MCPH1: variants seen among roughly 807,000 people sequenced by gnomAD.
MCPH1 encodes the protein microcephalin.
Under a neutral mutation model 84.5 loss-of-function variants are expected in MCPH1, and 104 were observed. The ratio of observed to expected loss-of-function variants is 1.23; its 90% CI spans 1.05 to 1.45. The LOEUF (loss-of-function observed/expected upper bound fraction) is 1.45, where lower values mean the gene tolerates loss of function less well. Ranked by LOEUF, MCPH1 falls within the 40% of genes most tolerant of loss-of-function variation. The pLI is 0.00. For missense variants in MCPH1, 1,498 were observed against 1,005.7 expected, an observed-to-expected ratio of 1.49 and a Z score of -6.62; for synonymous variants, 514 against 366.8, an observed-to-expected ratio of 1.40 and a Z score of -4.58.
chr8:6,638,847 G>T (rs1797740027), intron 13 of MCPH1, among the ~76,000 whole-genome samples: 1 of 152,162 alleles, frequency 6.6e-6, no homozygotes, highest in Non-Finnish European at 1.5e-5. Flanking sequence ...GGGGCTGTGA[G>T]GGGCTCCCTG....
intron 12 of MCPH1, among the ~76,000 whole-genome samples, chr8:6,607,123 G>A (rs528725386): frequency 1.2e-4 from 18 of 152,292 alleles, no homozygotes; most frequent in East Asian, 7.7e-4. Context: ...AAGCAGGAAG[G>A]CCCCTCTCAC....
chr8:6,491,559 T>C (rs1432608650), intron 11 of MCPH1, among the ~76,000 whole-genome samples: 1 of 152,022 alleles, frequency 6.6e-6, no homozygotes, highest in Non-Finnish European at 1.5e-5. Context: ...TGTGCCATGC[T>C]GGTGTGCTGC....
At chr8:6,477,077 C>G (rs1263572647) in intron 9 of MCPH1, among the ~76,000 whole-genome samples, 1 of 149,620 alleles carries the variant, frequency 6.7e-6, no homozygotes, top group African/African-American at 2.5e-5. Flanking sequence ...TTTTTCAATT[C>G]CAGTTGATAG....
intron 12 of MCPH1, among the ~76,000 whole-genome samples, chr8:6,531,943 G>C (rs1444161420): frequency 1.3e-5 from 2 of 152,172 alleles, no homozygotes; most frequent in Non-Finnish European, 2.9e-5. Context: ...AGAGTTTCTA[G>C]CTCTTTGCCT....
chr8:6,486,665 A>G (rs754237559), intron 11 of MCPH1, among the ~76,000 whole-genome samples: 2 of 152,234 alleles, frequency 1.3e-5, no homozygotes, highest in African/African-American at 2.4e-5. Flanking sequence ...TTCAGGAAAG[A>G]GAATAATTTA....
chr8:6,472,521 A>G (rs1050159160), intron 9 of MCPH1, among the ~76,000 whole-genome samples: 1 of 152,048 alleles, frequency 6.6e-6, no homozygotes, highest in Admixed American at 6.6e-5. Flanking sequence ...GCTGGAGTGC[A>G]TTGGCCCGAT....
In MCPH1 at chr8:6,474,122, C is replaced by G. The variant is rs1042628842; in HGVS notation, c.1936-3472C>G. 1.1e-4 allele frequency: 82 copies of G among 764,330 alleles called. 1 individual carries two copies. The Middle Eastern group carries it at 2.2e-3, about 21-fold the overall frequency. 47.3% of individuals were successfully genotyped at this position (764,330 alleles called of 1,614,324 possible). A position where few individuals can be genotyped will look rare whatever the true frequency, so the allele number is the denominator to read the frequency against. On this transcript the variant is annotated intron_variant, in intron 9 of 13. Coordinates refer to ENST00000344683, the MANE Select transcript of MCPH1 (RefSeq NM_024596.5). The stretch of plus-strand genomic sequence containing the variant: ...CCAGCGTTCAGGGAAGAAATCACAA[C>G]CGTGGTAATCAACAATAACTCCACA...
At chr8:6,634,665 C>G (rs1285192572) in intron 13 of MCPH1, among the ~76,000 whole-genome samples, 1 of 152,228 alleles carries the variant, frequency 6.6e-6, no homozygotes, top group Non-Finnish European at 1.5e-5. Context: ...TTTACAAACA[C>G]TTCGTACAGG....
At chr8:6,621,031 G>A (rs1011691961) in intron 12 of MCPH1, 4 of 285,240 alleles carry the variant, frequency 1.4e-5, no homozygotes, top group Non-Finnish European at 2.7e-5. Context: ...CCTGGAGCGC[G>A]CTGGATTGAA....
At chr8:6,508,733 C>T (rs972088375) in intron 12 of MCPH1, 7 of 730,602 alleles carry the variant, frequency 9.6e-6, no homozygotes, top group Non-Finnish European at 1.3e-5. Flanking sequence ...GCTGACAAGT[C>T]TAGCTCCATA....
intron 12 of MCPH1, chr8:6,563,059 GTCT>G: frequency 9.5e-7 from 1 of 1,053,030 alleles, no homozygotes; most frequent in South Asian, 1.7e-5. Context: ...GTCAATGAAA[GTCT>G]TCTCTTTCCT....
rs1387149341 is a variant in MCPH1, at chr8:6,644,602, T to A, written c.*1553T>A. 1 of 152,172 alleles carries A rather than the reference T, an allele frequency of 6.6e-6. No individual in the cohort carries two copies. The highest frequency in any genetic ancestry group is 1.5e-5 in the Non-Finnish European group (1 of 68,044). 9.4% of individuals were successfully genotyped at this position (152,172 alleles called of 1,614,324 possible). A position where few individuals can be genotyped will look rare whatever the true frequency, so the allele number is the denominator to read the frequency against. On this transcript the variant is annotated 3_prime_UTR_variant, in exon 14 of 14. Coordinates refer to ENST00000344683, the MANE Select transcript of MCPH1 (RefSeq NM_024596.5). ...AATCCCATTTCCAATAGCCACGGAA[T>A]GAAATACCTAGGAACACGTATAACC...
intron 12 of MCPH1, among the ~76,000 whole-genome samples, chr8:6,515,722 A>G (rs530765574): frequency 6.6e-6 from 1 of 152,378 alleles, no homozygotes; most frequent in African/African-American, 2.4e-5. Context: ...CATACAAGGT[A>G]GGAAATATTG....
intron 13 of MCPH1, chr8:6,625,685 T>G: frequency 4.1e-6 from 4 of 983,638 alleles, no homozygotes; most frequent in Non-Finnish European, 3.6e-6. Flanking sequence ...TTGTCTTAGC[T>G]ACGTGGGAGC....
chr8:6,534,716 TA>T (rs1820187669), intron 12 of MCPH1, among the ~76,000 whole-genome samples: 1 of 152,234 alleles, frequency 6.6e-6, no homozygotes, highest in South Asian at 2.1e-4. Context: ...ATAGGCTTCA[TA>T]AAATGTGAAG....
intron 12 of MCPH1, among the ~76,000 whole-genome samples, chr8:6,541,864 T>C (rs1464204666): frequency 6.6e-6 from 1 of 151,970 alleles, no homozygotes; most frequent in Non-Finnish European, 1.5e-5. Context: ...AAAAATTAGC[T>C]GGACATGGTG....
intron 12 of MCPH1, among the ~76,000 whole-genome samples, chr8:6,577,071 C>T (rs1345819338): frequency 1.3e-5 from 2 of 152,166 alleles, no homozygotes; most frequent in Non-Finnish European, 2.9e-5. Flanking sequence ...GGACAAGCGG[C>T]AAGATACTCC....
chr8:6,588,157 G>T (rs955936340), intron 12 of MCPH1, among the ~76,000 whole-genome samples: 1 of 152,136 alleles, frequency 6.6e-6, no homozygotes, highest in South Asian at 2.1e-4. Context: ...GAGGCAGGCT[G>T]ACACTGGGGC....
chr8:6,564,985 G>C (rs971384396), intron 12 of MCPH1, among the ~76,000 whole-genome samples: 3 of 152,214 alleles, frequency 2.0e-5, no homozygotes, highest in African/African-American at 7.2e-5. Flanking sequence ...AGAAGAGGTA[G>C]TATGATTCCA....
Sources: allele counts gnomAD v4.1 joint callset (sites outside exome capture counted in the v4.1 genomes callset), GRCh38; gene constraint gnomAD v4.1.1; transcripts MANE v1.5; gene names NCBI Gene and HGNC (gene_info 2026-07-23, HGNC 2026-07-21).